STK17B: variants seen among roughly 807,000 people sequenced by gnomAD.
STK17B encodes serine/threonine-protein kinase 17B.
STK17B carries 21 observed loss-of-function variants against 42.0 expected under a neutral mutation model. That is an observed-to-expected ratio of 0.50 (90% confidence interval 0.35 to 0.72). STK17B has a LOEUF of 0.72. Among genes scored for constraint, STK17B ranks in the 30% least tolerant of loss-of-function variants. The pLI, the probability that STK17B is intolerant of heterozygous loss-of-function variation, is 0.00. For synonymous variants in STK17B, 143 were observed against 148.4 expected (o/e 0.96, Z 0.26); for missense variants, 349 against 446.0 (o/e 0.78, Z 1.96).
Position 196,136,032 on chromosome 2 carries a change from AGT to A in STK17B, c.*1413_*1414del. The A allele has an allele frequency of 6.6e-6, 1 of 152,280 alleles. No homozygotes were observed. The highest frequency in any genetic ancestry group is 6.5e-5 in the Admixed American group (1 of 15,294). The allele number at this position is 152,280 out of a possible 1,614,324, so 9.4% of individuals were successfully genotyped here. On this transcript the variant is annotated 3_prime_UTR_variant, in exon 8 of 8. Coordinates refer to ENST00000263955, the MANE Select transcript of STK17B (RefSeq NM_004226.4). ...CCTGATAGTTATTCAAAAAGTTTTAAGTTATTATTAAAGAATTTGGAAACTTA... is the reference window on the plus strand; with the variant it reads ...CCTGATAGTTATTCAAAAAGTTTTAATATTATTAAAGAATTTGGAAACTTA...
Position 196,136,328 on chromosome 2 carries a change from A to T in STK17B, c.*1119T>A, listed in dbSNP as rs1019976283. On this transcript the variant is annotated 3_prime_UTR_variant, in exon 8 of 8. Coordinates refer to ENST00000263955, the MANE Select transcript of STK17B (RefSeq NM_004226.4). ...TCTCTTGCATTGGTCCCAGCAAAAG[A>T]CCACAATGAGGGGCCACTCTGCAGA... 1 of 152,394 alleles carries T rather than the reference A, an allele frequency of 6.6e-6. No homozygotes were observed. The highest frequency in any genetic ancestry group is 1.5e-5 in the Non-Finnish European group (1 of 68,044). 9.4% of individuals were successfully genotyped at this position (152,394 alleles called of 1,614,324 possible). A position where few individuals can be genotyped will look rare whatever the true frequency, so the allele number is the denominator to read the frequency against.
chr2:196,171,863 G>A (rs1273441479), upstream of STK17B, among the ~76,000 whole-genome samples: 1 of 151,836 alleles, frequency 6.6e-6, no homozygotes, highest in Non-Finnish European at 1.5e-5. Flanking sequence ...GGGGGCGCGC[G>A]GGGCTGGAAC....
At chr2:196,156,381 G>C in intron 3 of STK17B, 58 bp downstream of exon 3, 1 of 1,331,598 alleles carries the variant, frequency 7.5e-7, no homozygotes, top group East Asian at 2.5e-5. Flanking sequence ...TCTTATTCTT[G>C]ACATTTTAAT....
Position 196,136,992 on chromosome 2 carries a change from G to C in STK17B, c.*455C>G, listed in dbSNP as rs1016383186. 6.5e-6 allele frequency: 1 copy of C among 152,706 alleles called. No homozygotes were observed. The highest frequency in any genetic ancestry group is 1.5e-5 in the Non-Finnish European group (1 of 68,540). The allele number at this position is 152,706 out of a possible 1,614,324, so 9.5% of individuals were successfully genotyped here. A position where few individuals can be genotyped will look rare whatever the true frequency, so the allele number is the denominator to read the frequency against. On this transcript the variant is annotated 3_prime_UTR_variant, in exon 8 of 8. Coordinates refer to ENST00000263955, the MANE Select transcript of STK17B (RefSeq NM_004226.4). ...GCATCTATAAAGTAGAAATTATTTTGGCTTAAACTTCATACTGCTTTCCTA... is the reference window on the plus strand; with the variant it reads ...GCATCTATAAAGTAGAAATTATTTTCGCTTAAACTTCATACTGCTTTCCTA...
chr2:196,144,993 G>T (rs1044219826), intron 4 of STK17B, among the ~76,000 whole-genome samples: 1 of 151,744 alleles, frequency 6.6e-6, no homozygotes, highest in Admixed American at 6.6e-5. Context: ...AATGTACTTG[G>T]GTTGATGTTA....
At chr2:196,158,479 T>C (rs912708310) in intron 2 of STK17B, among the ~76,000 whole-genome samples, 1 of 152,216 alleles carries the variant, frequency 6.6e-6, no homozygotes, top group Non-Finnish European at 1.5e-5. Flanking sequence ...TATTTTCTCA[T>C]TGTATGCAGA....
intron 2 of STK17B, among the ~76,000 whole-genome samples, chr2:196,160,443 T>C (rs939659830): frequency 6.6e-6 from 1 of 152,222 alleles, no homozygotes; most frequent in South Asian, 2.1e-4. Context: ...AACTTTTACA[T>C]AATTTCCTTT....
chr2:196,146,143 C>T lies in STK17B; in HGVS notation c.336-88G>A, dbSNP rs1229409092. ...GTGTACCTGTTAAGTAAAAGACATA[C>T]AACTATATAAATGTTAATACGTTAC... is the stretch of plus-strand genomic sequence containing the variant. On this transcript the variant is annotated intron_variant, in intron 3 of 7. Coordinates refer to ENST00000263955, the MANE Select transcript of STK17B (RefSeq NM_004226.4). 92 of 1,325,248 alleles carry T rather than the reference C, an allele frequency of 6.9e-5. 1 individual carries two copies. In the South Asian group the frequency reaches 1.2e-3, roughly 18 times the overall value. 82.1% of individuals were successfully genotyped at this position (1,325,248 alleles called of 1,614,324 possible).
rs1225816367 is a variant in STK17B, at chr2:196,133,976, AC to A, written c.*3470del. On this transcript the variant is annotated 3_prime_UTR_variant, in exon 8 of 8. Transcript: ENST00000263955. The stretch of plus-strand genomic sequence containing the variant: ...AAATTAAAGTACAGTTGTTTATACA[AC>A]AATGAATAAGGACAAGATATCAAAC... 6.6e-6 allele frequency: 1 copy of A among 152,270 alleles called. No individual in the cohort carries two copies. The highest frequency in any genetic ancestry group is 2.4e-5 in the African/African-American group (1 of 41,482). 9.4% of individuals were successfully genotyped at this position (152,270 alleles called of 1,614,324 possible). A position where few individuals can be genotyped will look rare whatever the true frequency, so the allele number is the denominator to read the frequency against.
chr2:196,139,158 G>T (rs1219546233), intron 7 of STK17B, among the ~76,000 whole-genome samples: 2 of 151,626 alleles, frequency 1.3e-5, no homozygotes, highest in African/African-American at 4.9e-5. Flanking sequence ...TAGAGATGGG[G>T]TTTCACCGTG....
chr2:196,144,769 C>CTTTGTTA (rs1193313391), intron 4 of STK17B, among the ~76,000 whole-genome samples: 1 of 152,108 alleles, frequency 6.6e-6, no homozygotes, highest in Non-Finnish European at 1.5e-5. Context: ...ACAAAGTCCC[C>CTTTGTTA]TGCTGCTGTC....
rs371254891 is a variant in STK17B, at chr2:196,169,801, G to T, written c.-45+1532C>A. 1.4e-4 allele frequency among the ~76,000 whole-genome samples: 22 copies of T among 152,062 alleles called. No homozygotes were observed. The East Asian group carries it at 2.7e-3, about 19-fold the overall frequency. ...AACCATTCTATTCACACACAAAAAA[G>T]GATGGTCTTCAATTACAGAAATTCT... On this transcript the variant is annotated intron_variant, in intron 1 of 7. Transcript: ENST00000263955.
At chr2:196,146,964 A>G (rs1255537743) in intron 3 of STK17B, among the ~76,000 whole-genome samples, 1 of 152,208 alleles carries the variant, frequency 6.6e-6, no homozygotes, top group Non-Finnish European at 1.5e-5. Flanking sequence ...ATGCTGAAAA[A>G]GGCACAGTGA....
chr2:196,140,955 C>A (rs988857647), intron 6 of STK17B, among the ~76,000 whole-genome samples: 1 of 152,182 alleles, frequency 6.6e-6, no homozygotes, highest in Non-Finnish European at 1.5e-5. Context: ...TTAAGCATTT[C>A]ACCTTCATCA....
At chr2:196,174,363 A>G (rs1559419280), upstream of STK17B, 1 of 152,316 alleles carries the variant, frequency 6.6e-6, no homozygotes, top group Non-Finnish European at 1.5e-5. Flanking sequence ...TACTGACCAC[A>G]TAATGATCAA....
At chr2:196,168,799 C>T (rs1460074911) in intron 1 of STK17B, among the ~76,000 whole-genome samples, 4 of 152,106 alleles carry the variant, frequency 2.6e-5, no homozygotes, top group Non-Finnish European at 4.4e-5. Flanking sequence ...AAGAACATTT[C>T]TTAACTGAAA....
rs1198786353 is a variant in STK17B at position 196,145,929 on chromosome 2, A to G, written c.462T>C (p.Ile154=). The change falls in exon 4 of 8, where the codon ATT becomes ATC. Residue 154 remains isoleucine, a synonymous_variant. Coordinates refer to ENST00000263955, the MANE Select transcript of STK17B (RefSeq NM_004226.4). ...ACGTTACCTTTAAATCAAGGTGTAC[A>G]ATGTTATTCTGATGTAGATAATAAA... The part of the protein sequence containing the change: ...EGVYYLHQNN[I]VHLDLKPQNI... The G allele has an allele frequency of 6.3e-7, 1 of 1,583,896 alleles. No homozygotes were observed. Among genetic ancestry groups the G allele is most frequent in the Non-Finnish European group, 8.5e-7 (1 of 1,171,410 alleles).
chr2:196,139,504 C>G, intron 7 of STK17B, 116 bp downstream of exon 7: 1 of 660,254 alleles, frequency 1.5e-6, no homozygotes, highest in East Asian at 3.8e-5. Context: ...GTACATATTT[C>G]TAATAATTTT....
intron 2 of STK17B, among the ~76,000 whole-genome samples, chr2:196,161,279 A>AAAAAAG (rs1486887444): frequency 6.7e-6 from 1 of 150,342 alleles, no homozygotes; most frequent in Non-Finnish European, 1.5e-5. Context: ...GGAAACTTAA[A>AAAAAAG]AAAAAGAAAA....
Sources: allele counts gnomAD v4.1 joint callset (sites outside exome capture counted in the v4.1 genomes callset), GRCh38; gene constraint gnomAD v4.1.1; transcripts MANE v1.5; gene names NCBI Gene and HGNC (gene_info 2026-07-23, HGNC 2026-07-21).